ENO4: variants seen among roughly 807,000 people sequenced by gnomAD.
The protein encoded by ENO4 is enolase 4.
A neutral mutation model predicts 63.2 loss-of-function variants in ENO4; 53 were observed. That is an observed-to-expected ratio of 0.84 (90% CI 0.67 to 1.05). The LOEUF is 1.05. ENO4 is among the 50% of genes least tolerant of loss of function. The pLI is 0.00. For missense variants in ENO4, 719 were observed against 772.0 expected (o/e 0.93, Z 0.81); for synonymous variants, 266 against 283.8 (o/e 0.94, Z 0.63).
chr10:116,887,383 G>A (rs1236985239), downstream of ENO4, among the ~76,000 whole-genome samples: 1 of 152,204 alleles, frequency 6.6e-6, no homozygotes, highest in Admixed American at 6.5e-5. Flanking sequence ...TGAAGGTGGA[G>A]GCAGCTGCAG....
chr10:116,876,059 A>C lies in ENO4; in HGVS notation c.1342-6A>C. The C allele has an allele frequency of 6.6e-7, 1 of 1,525,000 alleles. No homozygotes were observed. The highest frequency in any genetic ancestry group is 8.8e-7 in the Non-Finnish European group (1 of 1,136,582). 94.5% of individuals were successfully genotyped at this position (1,525,000 alleles called of 1,614,324 possible). A position where few individuals can be genotyped will look rare whatever the true frequency, so the allele number is the denominator to read the frequency against. ...TATAATGATCAACTCTTAAATATTT[A>C]CCCAGGACTCTGAACAGTGGGACAG... On this transcript the variant is annotated splice_polypyrimidine_tract_variant and splice_region_variant and intron_variant, in intron 10 of 13. Coordinates refer to ENST00000341276, the MANE Select transcript of ENO4 (RefSeq NM_001242699.2).
intron 7 of ENO4, among the ~76,000 whole-genome samples, chr10:116,868,250 G>A (rs1490789144): frequency 6.6e-6 from 1 of 152,230 alleles, no homozygotes; most frequent in Non-Finnish European, 1.5e-5. Flanking sequence ...ATCCCGCAGT[G>A]GGGTTAAGCC....
intron 8 of ENO4, among the ~76,000 whole-genome samples, chr10:116,869,121 A>G (rs570547330): frequency 6.6e-6 from 1 of 152,324 alleles, no homozygotes; most frequent in East Asian, 1.9e-4. Flanking sequence ...CTGGTCCCCC[A>G]AAGGCACTGA....
intron 10 of ENO4, among the ~76,000 whole-genome samples, chr10:116,889,848 T>A (rs1847280821): frequency 6.6e-6 from 1 of 152,218 alleles, no homozygotes. Context: ...TAGTTTTAAT[T>A]TTTCCCCTGT....
intron 1 of ENO4, chr10:116,850,185 A>C (rs1451592515): frequency 4.2e-6 from 1 of 238,170 alleles, no homozygotes; most frequent in Admixed American, 5.4e-5. Flanking sequence ...GCTTCAGCCT[A>C]TTCTGGGGCC....
chr10:116,890,310 A>G (rs1178636046), intron 10 of ENO4, among the ~76,000 whole-genome samples: 1 of 152,236 alleles, frequency 6.6e-6, no homozygotes, highest in African/African-American at 2.4e-5. Context: ...AGTATCACTT[A>G]TAAATTAAAA....
At position 116,882,393 on chromosome 10, in the gene ENO4, A is replaced by G. The variant is rs1481299175; in HGVS notation, c.*724A>G. The G allele has an allele frequency of 7.5e-6, 1 of 134,010 alleles. No individual in the cohort carries two copies. Among genetic ancestry groups the G allele is most frequent in the Non-Finnish European group, 1.6e-5 (1 of 63,830 alleles). 8.3% of individuals were successfully genotyped at this position (134,010 alleles called of 1,614,324 possible). A position where few individuals can be genotyped will look rare whatever the true frequency, so the allele number is the denominator to read the frequency against. On this transcript the variant is annotated 3_prime_UTR_variant, in exon 14 of 14. Coordinates refer to ENST00000341276, the MANE Select transcript of ENO4 (RefSeq NM_001242699.2). ...CACAGCATTTAAAAAGCAATCCGCAAGTGATAAAAAAAAAAAAAAAAAATG... is the reference window on the plus strand; with the variant it reads ...CACAGCATTTAAAAAGCAATCCGCAGGTGATAAAAAAAAAAAAAAAAAATG...
Position 116,888,745 on chromosome 10 carries a change from T to G in ENO4, c.1194+8759T>G, listed in dbSNP as rs745471182. Among the ~76,000 whole-genome samples, 3 of 152,270 alleles carry G rather than the reference T, an allele frequency of 2.0e-5. No individual in the cohort carries two copies. The South Asian group carries it at 6.2e-4, about 32-fold the overall frequency. On this transcript the variant is annotated intron_variant, in intron 10 of 10. Transcript: ENST00000369207. ...GTGAGTCAGCACATCAGGAATGTCA[T>G]GCACAAGCTATAACAGAGCCTGCCC... is the stretch of plus-strand genomic sequence containing the variant.
intron 10 of ENO4, among the ~76,000 whole-genome samples, chr10:116,890,193 T>TA (rs5788199): frequency 0.6 from 91,030 of 152,032 alleles, 30,352 homozygotes; most frequent in Middle Eastern, 0.75. Flanking sequence ...ATGCAACCTC[T>TA]AAGGACTAAG....
chr10:116,879,426 C>A, intron 12 of ENO4, 68 bp downstream of exon 12: 2 of 1,229,732 alleles, frequency 1.6e-6, no homozygotes, highest in Non-Finnish European at 2.3e-6. Context: ...CAGAGAAATG[C>A]AGTCTCTGGT....
chr10:116,850,533 G>T (rs768937806), intron 1 of ENO4, among the ~76,000 whole-genome samples: 22 of 151,858 alleles, frequency 1.4e-4, no homozygotes, highest in Non-Finnish European at 2.8e-4. Context: ...GTGTGGCTGG[G>T]GCCCCTAGGA....
chr10:116,878,868 C>T (rs541560092), intron 11 of ENO4, among the ~76,000 whole-genome samples: 10 of 151,466 alleles, frequency 6.6e-5, no homozygotes, highest in East Asian at 2.0e-4. Flanking sequence ...CTCAGCCTCG[C>T]GAGTAGCTGG....
chr10:116,907,140 A>T (rs543317627), intron 10 of ENO4, among the ~76,000 whole-genome samples: 9 of 152,320 alleles, frequency 5.9e-5, no homozygotes, highest in Middle Eastern at 6.8e-3. Context: ...GGCAGCCACA[A>T]GCTACTAAAC....
chr10:116,907,733 G>A (rs1174023726), intron 10 of ENO4, among the ~76,000 whole-genome samples: 10 of 152,158 alleles, frequency 6.6e-5, no homozygotes, highest in Admixed American at 5.9e-4. Context: ...GGGAAGGCAG[G>A]AGAACCATAC....
intron 1 of ENO4, among the ~76,000 whole-genome samples, chr10:116,854,271 G>A (rs1369060407): frequency 1.3e-5 from 2 of 152,050 alleles, no homozygotes; most frequent in Admixed American, 6.5e-5. Context: ...ATAAAAATGA[G>A]CCCATGTGCC....
chr10:116,887,722 C>T (rs1050995306), intron 10 of ENO4, among the ~76,000 whole-genome samples: 7 of 152,142 alleles, frequency 4.6e-5, no homozygotes, highest in African/African-American at 7.2e-5. Flanking sequence ...TAAACATCCA[C>T]GAGGCAGGGA....
rs1847331544 is a variant in ENO4, at chr10:116,891,146, A to C, written c.1194+11160A>C. ...ATCACTCAAGCTTAATTTTACTGATAATATAAAGGTGGGACATTTTGAACA... is the reference window on the plus strand; with the variant it reads ...ATCACTCAAGCTTAATTTTACTGATCATATAAAGGTGGGACATTTTGAACA... On this transcript the variant is annotated intron_variant, in intron 10 of 10. Transcript: ENST00000369207. Among the ~76,000 whole-genome samples the C allele has an allele frequency of 2.0e-5, 3 of 152,224 alleles. No individual in the cohort carries two copies. In the South Asian group the frequency reaches 6.2e-4, roughly 32 times the overall value.
At chr10:116,907,971 T>G (rs149382964) in intron 10 of ENO4, 4 of 500,788 alleles carry the variant, frequency 8.0e-6, no homozygotes, top group African/African-American at 7.7e-5. Flanking sequence ...TTAGCCATTT[T>G]TACAAGAAGC....
intron 12 of ENO4, 74 bp downstream of exon 12, chr10:116,879,432 C>G: frequency 1.7e-6 from 2 of 1,184,340 alleles, no homozygotes; most frequent in Non-Finnish European, 2.4e-6. Context: ...AATGCAGTCT[C>G]TGGTGGAGAA....
Sources: gnomAD v4.1 joint callset for allele counts (sites outside exome capture counted in the v4.1 genomes callset) on GRCh38, gnomAD v4.1.1 for gene constraint, MANE v1.5 for transcripts, NCBI Gene and HGNC (gene_info 2026-07-23, HGNC 2026-07-21) for gene names.